The following TAF2 variants were observed in gnomAD, a reference collection of about 807,000 sequenced individuals.
The protein encoded by TAF2 is TATA-box binding protein associated factor 2.
In TAF2, 61 loss-of-function variants were observed where a neutral mutation model predicts 138.5. The observed-to-expected ratio is 0.44, with a 90% CI of 0.36 to 0.54. The LOEUF (loss-of-function observed/expected upper bound fraction) is 0.54. Among genes scored for constraint, TAF2 ranks in the 20% least tolerant of loss-of-function variants. TAF2 has a pLI of 0.00. For synonymous variants in TAF2, 475 were observed against 469.9 expected, an observed-to-expected ratio of 1.01 and a Z score of -0.14; for missense variants, 1,090 against 1,427.9, an observed-to-expected ratio of 0.76 and a Z score of 3.81.
intron 23 of TAF2, chr8:119,745,066 T>C (rs1188773645): frequency 2.2e-6 from 1 of 455,968 alleles, no homozygotes; most frequent in South Asian, 1.5e-5. Context: ...CAAAATTAGA[T>C]TTCTGAAGAC....
chr8:119,821,775 G>A (rs367906870), intron 2 of TAF2, among the ~76,000 whole-genome samples: 2 of 152,108 alleles, frequency 1.3e-5, no homozygotes, highest in Non-Finnish European at 2.9e-5. Context: ...ATGGGCTCAC[G>A]CCTGTAATCC....
intron 3 of TAF2, among the ~76,000 whole-genome samples, chr8:119,814,443 TAAAA>T (rs555464241): frequency 6.8e-6 from 1 of 147,170 alleles, no homozygotes; most frequent in Admixed American, 6.8e-5. Flanking sequence ...TACAAAATCT[TAAAA>T]AAAAAACCAC....
chr8:119,753,569 T>C (rs1369425646), intron 22 of TAF2, among the ~76,000 whole-genome samples: 1 of 152,168 alleles, frequency 6.6e-6, no homozygotes, highest in Non-Finnish European at 1.5e-5. Context: ...CTCACTGATC[T>C]CACTGGTTTA....
intron 18 of TAF2, among the ~76,000 whole-genome samples, chr8:119,766,603 A>G (rs940711501): frequency 6.6e-6 from 1 of 152,290 alleles, no homozygotes; most frequent in African/African-American, 2.4e-5. Context: ...AAGCCTGGCC[A>G]AAACAGTGAA....
intron 11 of TAF2, 118 bp downstream of exon 11, chr8:119,791,206 G>A (rs530137943): frequency 1.7e-6 from 2 of 1,205,242 alleles, no homozygotes; most frequent in South Asian, 2.8e-5. Flanking sequence ...AGGTTACTTA[G>A]TGGGCAAACA....
At chr8:119,792,904 C>A (rs1277548224) in intron 10 of TAF2, among the ~76,000 whole-genome samples, 2 of 152,102 alleles carry the variant, frequency 1.3e-5, no homozygotes, top group Non-Finnish European at 2.9e-5. Flanking sequence ...ACTTCCCAGC[C>A]TCCAGAACAA....
chr8:119,769,055 C>T (rs1388112722), intron 18 of TAF2, among the ~76,000 whole-genome samples: 2 of 152,158 alleles, frequency 1.3e-5, no homozygotes, highest in Admixed American at 6.5e-5. Context: ...GTGCATTTCA[C>T]TAGGAGCTCC....
In TAF2 at chr8:119,788,818, TA is replaced by T; in HGVS notation, c.1654del (p.Tyr552IlefsTer15). On this transcript the variant is annotated frameshift_variant, in exon 13 of 26. Transcript: ENST00000378164. LOFTEE classifies it high-confidence loss of function. ...GTATTTCTGAGTTCCAGGAGATGTA[TA>T]GTCCTGTTTTATTTCCAGTTCCAAG... ...NVLELEIKQDYTSPGTQKYVG... is the reference protein window; with the variant it reads ...NVLELEIKQDXTSPGTQKYVG... 6.2e-7 allele frequency: 1 copy of T among 1,613,822 alleles called. No homozygotes were observed. Among genetic ancestry groups the T allele is most frequent in the Non-Finnish European group, 8.5e-7 (1 of 1,179,772 alleles).
At chr8:119,823,321 G>A (rs1444522992) in intron 2 of TAF2, among the ~76,000 whole-genome samples, 1 of 152,176 alleles carries the variant, frequency 6.6e-6, no homozygotes, top group African/African-American at 2.4e-5. Flanking sequence ...TGTTTGGGCT[G>A]TGTCCCCACC....
chr8:119,808,719 A>G (rs1265534286), intron 3 of TAF2, among the ~76,000 whole-genome samples: 2 of 152,222 alleles, frequency 1.3e-5, no homozygotes, highest in Non-Finnish European at 2.9e-5. Context: ...TAAAAACAGT[A>G]TTAATCTCCT....
At chr8:119,763,777 G>A (rs1332388485) in intron 18 of TAF2, among the ~76,000 whole-genome samples, 1 of 151,874 alleles carries the variant, frequency 6.6e-6, no homozygotes, top group Non-Finnish European at 1.5e-5. Context: ...CTGGGTGACA[G>A]AGCAAGACTC....
At chr8:119,788,294 T>G in intron 14 of TAF2, 44 bp downstream of exon 14, 1 of 1,528,968 alleles carries the variant, frequency 6.5e-7, no homozygotes, top group Non-Finnish European at 9.1e-7. Flanking sequence ...GTCTGTGAGA[T>G]TTGTAGTTTA....
At chr8:119,811,260 T>A (rs1424580376) in intron 3 of TAF2, among the ~76,000 whole-genome samples, 1 of 152,214 alleles carries the variant, frequency 6.6e-6, no homozygotes, top group African/African-American at 2.4e-5. Flanking sequence ...AATATGATAA[T>A]CATTTGTCAA....
chr8:119,760,663 AG>A lies in TAF2; in HGVS notation c.2633del (p.Ala878ValfsTer11), dbSNP rs771753538. 1.2e-6 allele frequency: 2 copies of A among 1,614,052 alleles called. No individual in the cohort carries two copies. Among genetic ancestry groups the A allele is most frequent in the Non-Finnish European group, 1.7e-6 (2 of 1,179,970 alleles). On this transcript the variant is annotated frameshift_variant, in exon 20 of 26. Transcript: ENST00000378164. LOFTEE classifies it high-confidence loss of function. ...TAATGTCCACAAAGTGGCCATATTC[AG>A]CATAAGATTTAAAAAGAGCTGGATC... The part of the protein sequence containing the change: ...PSDPALFKSY[A>X]EYGHFVDIRI...
chr8:119,766,019 T>C (rs1355675787), intron 18 of TAF2, among the ~76,000 whole-genome samples: 1 of 152,210 alleles, frequency 6.6e-6, no homozygotes, highest in Non-Finnish European at 1.5e-5. Flanking sequence ...AAAGACGATG[T>C]AGGTATCACA....
At chr8:119,802,476 A>T (rs1476308682) in intron 5 of TAF2, among the ~76,000 whole-genome samples, 1 of 152,238 alleles carries the variant, frequency 6.6e-6, no homozygotes. Flanking sequence ...ATAAATTCAA[A>T]CTGAGTGCTG....
intron 18 of TAF2, among the ~76,000 whole-genome samples, chr8:119,764,020 A>G (rs1821253495): frequency 6.8e-6 from 1 of 146,910 alleles, no homozygotes; most frequent in Non-Finnish European, 1.5e-5. Flanking sequence ...GTGGTGGCAC[A>G]CGCCTATAAT....
At chr8:119,767,332 C>T (rs1185337646) in intron 18 of TAF2, among the ~76,000 whole-genome samples, 1 of 152,072 alleles carries the variant, frequency 6.6e-6, no homozygotes, top group Non-Finnish European at 1.5e-5. Flanking sequence ...ATCAGAGAAG[C>T]GACGGGAATC....
Position 119,746,749 on chromosome 8 carries a change from T to C in TAF2, c.3064A>G (p.Asn1022Asp). 1 of 1,614,178 alleles carries C rather than the reference T, an allele frequency of 6.2e-7. No individual in the cohort carries two copies. Among genetic ancestry groups the C allele is most frequent in the Non-Finnish European group, 8.5e-7 (1 of 1,180,018 alleles). The change falls in exon 23 of 26, where the codon AAT becomes GAT. Residue 1022 changes from asparagine (N) to aspartate (D), a missense_variant. By Grantham distance (23) the Asn-to-Asp change is conservative. Transcript: ENST00000378164. ...ESVAGNQEAA[N>D]NPSSHPQLVG... The stretch of plus-strand genomic sequence containing the variant: ...AGCTGTGGGTGACTGCTTGGATTAT[T>C]TGCAGCTTCTTGGTTGCCTGCTACT...
Sources: allele counts gnomAD v4.1 joint callset (sites outside exome capture counted in the v4.1 genomes callset), GRCh38; gene constraint gnomAD v4.1.1; transcripts MANE v1.5; gene names NCBI Gene and HGNC (gene_info 2026-07-23, HGNC 2026-07-21).